The following XKR6 variants were observed in gnomAD, a reference collection of about 807,000 sequenced individuals.
XKR6 encodes the protein XK related 6.
XKR6 carries 22 observed loss-of-function variants against 56.7 expected under a neutral mutation model. The ratio of observed to expected loss-of-function variants is 0.39; its 90% CI spans 0.28 to 0.55. The LOEUF (loss-of-function observed/expected upper bound fraction) is 0.55, where lower values mean the gene tolerates loss of function less well. Ranked by LOEUF, XKR6 falls within the 20% of genes least tolerant of loss-of-function variation. The probability of loss-of-function intolerance (pLI) is 0.66; values close to 1 mark genes in which losing one functional copy is unlikely to be tolerated. For synonymous variants in XKR6, 524 were observed against 387.8 expected, an observed-to-expected ratio of 1.35 and a Z score of -4.13; for missense variants, 852 against 889.0, an observed-to-expected ratio of 0.96 and a Z score of 0.53.
chr8:11,093,260 G>C (rs528791479), intron 1 of XKR6, among the ~76,000 whole-genome samples: 1 of 152,096 alleles, frequency 6.6e-6, no homozygotes, highest in African/African-American at 2.4e-5. Context: ...TCACCATGTT[G>C]ACCAGGCTAG....
At chr8:11,040,424 C>T (rs1297182158) in intron 1 of XKR6, among the ~76,000 whole-genome samples, 1 of 151,218 alleles carries the variant, frequency 6.6e-6, no homozygotes, top group African/African-American at 2.4e-5. Flanking sequence ...CCCAGCTACT[C>T]AGGAGGCTGA....
At chr8:11,195,098 G>C (rs1803800108) in intron 1 of XKR6, 2 of 702,800 alleles carry the variant, frequency 2.8e-6, no homozygotes, top group South Asian at 1.5e-5. Context: ...TACCCTCACA[G>C]CTAAGCAAGT....
At chr8:11,073,076 A>G (rs771031860) in intron 1 of XKR6, among the ~76,000 whole-genome samples, 6 of 152,142 alleles carry the variant, frequency 3.9e-5, no homozygotes, top group Non-Finnish European at 5.9e-5. Context: ...TTGCCCCCAC[A>G]TGCTAAAGGA....
intron 1 of XKR6, among the ~76,000 whole-genome samples, chr8:11,119,373 T>C (rs1799336590): frequency 6.6e-6 from 1 of 152,222 alleles, no homozygotes; most frequent in East Asian, 1.9e-4. Flanking sequence ...TTGTTAACTT[T>C]CTGTCTCGTT....
chr8:10,978,743 C>T (rs1241811481), intron 1 of XKR6, among the ~76,000 whole-genome samples: 1 of 152,210 alleles, frequency 6.6e-6, no homozygotes, highest in Non-Finnish European at 1.5e-5. Flanking sequence ...AGCCATAGAC[C>T]CCAGTCTCCC....
chr8:10,944,658 A>C (rs1192976299), intron 1 of XKR6, among the ~76,000 whole-genome samples: 1 of 151,938 alleles, frequency 6.6e-6, no homozygotes. Context: ...ATGAGAACAG[A>C]CTCTAGAACC....
At chr8:10,992,651 G>A (rs1798019989) in intron 1 of XKR6, among the ~76,000 whole-genome samples, 2 of 148,314 alleles carry the variant, frequency 1.3e-5, no homozygotes, top group Non-Finnish European at 3.0e-5. Flanking sequence ...AGAACCTAGA[G>A]CAGATCCCCC....
At chr8:11,088,298 A>G (rs943922162) in intron 1 of XKR6, among the ~76,000 whole-genome samples, 1 of 152,236 alleles carries the variant, frequency 6.6e-6, no homozygotes, top group East Asian at 1.9e-4. Flanking sequence ...ACATAAAATG[A>G]TAATTCTGAC....
At chr8:11,038,577 T>C (rs1457578016) in intron 1 of XKR6, among the ~76,000 whole-genome samples, 1 of 150,524 alleles carries the variant, frequency 6.6e-6, no homozygotes, top group African/African-American at 2.4e-5. Flanking sequence ...CTCTGTCGCC[T>C]AGGCTGGAGT....
chr8:11,119,234 T>G (rs909108917), intron 1 of XKR6, among the ~76,000 whole-genome samples: 2 of 152,188 alleles, frequency 1.3e-5, no homozygotes, highest in African/African-American at 2.4e-5. Context: ...TCCAACTATG[T>G]GGTCAATTTT....
At chr8:11,079,429 T>A (rs1186007972) in intron 1 of XKR6, among the ~76,000 whole-genome samples, 2 of 152,356 alleles carry the variant, frequency 1.3e-5, no homozygotes, top group Non-Finnish European at 2.9e-5. Flanking sequence ...CAGAACAATA[T>A]AGTGACTATT....
chr8:10,914,087 C>G (rs897014818), intron 2 of XKR6, among the ~76,000 whole-genome samples: 12 of 152,180 alleles, frequency 7.9e-5, no homozygotes, highest in African/African-American at 2.9e-4. Flanking sequence ...TCTGACCAAC[C>G]TAACACCTCA....
At chr8:11,161,690 C>A (rs1331331586) in intron 1 of XKR6, among the ~76,000 whole-genome samples, 1 of 152,178 alleles carries the variant, frequency 6.6e-6, no homozygotes, top group Non-Finnish European at 1.5e-5. Context: ...ATTTTAAGTC[C>A]TTAGTAAATC....
chr8:11,078,303 G>A (rs1421038005), intron 1 of XKR6, among the ~76,000 whole-genome samples: 1 of 152,152 alleles, frequency 6.6e-6, no homozygotes, highest in Non-Finnish European at 1.5e-5. Context: ...GAGTCTAAGG[G>A]ATGTTGTCTT....
intron 1 of XKR6, among the ~76,000 whole-genome samples, chr8:11,058,845 G>C (rs58662603): frequency 1.3e-5 from 2 of 152,186 alleles, no homozygotes; most frequent in South Asian, 2.1e-4. Flanking sequence ...CCAGAACTTA[G>C]TAAAATTTTT....
intron 2 of XKR6, among the ~76,000 whole-genome samples, chr8:10,902,439 C>T (rs1262059849): frequency 6.6e-6 from 1 of 152,196 alleles, no homozygotes; most frequent in African/African-American, 2.4e-5. Context: ...CTGAGAACCA[C>T]CGGCCATCTC....
In XKR6 at chr8:10,900,857, C is replaced by CTTTTTTTTT. The variant is rs139738888; in HGVS notation, c.962-1950_962-1942dup. Among the ~76,000 whole-genome samples the CTTTTTTTTT allele has an allele frequency of 2.6e-5, 3 of 114,368 alleles. 1 individual carries two copies. The highest frequency in any genetic ancestry group is 7.0e-5 in the African/African-American group (2 of 28,632). The allele number at this position is 114,368 out of a possible 152,430, so 75.0% of individuals were successfully genotyped here. On this transcript the variant is annotated intron_variant, in intron 2 of 2. Transcript: ENST00000416569. The stretch of plus-strand genomic sequence containing the variant: ...TGGAGGGCAGAGGATGTGCAATTAC[C>CTTTTTTTTT]TTTTTTTTTTTTTTTGAGACAGGGT...
intron 1 of XKR6, among the ~76,000 whole-genome samples, chr8:11,070,223 C>T (rs930328474): frequency 3.9e-5 from 6 of 152,138 alleles, no homozygotes; most frequent in Non-Finnish European, 8.8e-5. Flanking sequence ...CATGTATTTG[C>T]CCTGCGTCTT....
intron 1 of XKR6, among the ~76,000 whole-genome samples, chr8:11,039,643 C>A (rs187214845): frequency 2.0e-5 from 3 of 152,214 alleles, no homozygotes; most frequent in Non-Finnish European, 1.5e-5. Flanking sequence ...GAGAGCCCGG[C>A]GGTAACAGTT....
Sources: gnomAD v4.1 joint callset for allele counts (sites outside exome capture counted in the v4.1 genomes callset) on GRCh38, gnomAD v4.1.1 for gene constraint, MANE v1.5 for transcripts, NCBI Gene and HGNC (gene_info 2026-07-23, HGNC 2026-07-21) for gene names.